Variants in PPP3CA observed in about 807,000 individuals in gnomAD.
The protein encoded by PPP3CA is CAM-PRP catalytic subunit.
Under a neutral mutation model 66.5 loss-of-function variants are expected in PPP3CA, and 14 were observed. The ratio of observed to expected loss-of-function variants is 0.21; its 90% CI spans 0.14 to 0.33. PPP3CA has a LOEUF of 0.33. Ranked by LOEUF, PPP3CA falls within the 10% of genes least tolerant of loss-of-function variation. The pLI, the probability that PPP3CA is intolerant of heterozygous loss-of-function variation, is 1.00. For synonymous variants in PPP3CA, 232 were observed against 226.2 expected (o/e 1.03, Z -0.23); for missense variants, 317 against 639.5 (o/e 0.50, Z 5.44).
chr4:101,281,513 G>A (rs904615400), intron 1 of PPP3CA, among the ~76,000 whole-genome samples: 4 of 152,164 alleles, frequency 2.6e-5, no homozygotes, highest in African/African-American at 4.8e-5. Context: ...AATGTGTATG[G>A]ATTATAATAT....
intron 2 of PPP3CA, among the ~76,000 whole-genome samples, chr4:101,152,482 C>T (rs778072407): frequency 6.6e-6 from 1 of 152,152 alleles, no homozygotes; most frequent in Non-Finnish European, 1.5e-5. Flanking sequence ...GTAGTAGGTG[C>T]TGAATAAAGA....
chr4:101,338,015 A>T (rs192805253), intron 1 of PPP3CA, among the ~76,000 whole-genome samples: 101 of 152,228 alleles, frequency 6.6e-4, no homozygotes, highest in African/African-American at 2.4e-3. Flanking sequence ...CTAATTCCTA[A>T]TCTTATACAT....
intron 1 of PPP3CA, among the ~76,000 whole-genome samples, chr4:101,200,857 A>G (rs1374375227): frequency 6.6e-6 from 1 of 152,172 alleles, no homozygotes; most frequent in African/African-American, 2.4e-5. Context: ...CTAGCTAGCC[A>G]AACTAACACT....
At chr4:101,232,132 G>T (rs1725982012) in intron 1 of PPP3CA, among the ~76,000 whole-genome samples, 1 of 151,650 alleles carries the variant, frequency 6.6e-6, no homozygotes, top group African/African-American at 2.4e-5. Context: ...ATCAGCCTTT[G>T]CTCTTTAAAA....
intron 2 of PPP3CA, chr4:101,171,345 T>C: frequency 4.4e-6 from 1 of 226,514 alleles, no homozygotes; most frequent in East Asian, 1.1e-4. Context: ...TATGAACAAT[T>C]CTTTCAAAAA....
At chr4:101,078,989 C>T (rs1193438691) in intron 8 of PPP3CA, among the ~76,000 whole-genome samples, 1 of 152,216 alleles carries the variant, frequency 6.6e-6, no homozygotes, top group African/African-American at 2.4e-5. Flanking sequence ...TGCACTATGC[C>T]TTACTGATAA....
chr4:101,054,633 T>A (rs1165921428), intron 10 of PPP3CA, among the ~76,000 whole-genome samples: 1 of 152,092 alleles, frequency 6.6e-6, no homozygotes, highest in South Asian at 2.1e-4. Context: ...TTAAGTTCTG[T>A]ACAACTGTTA....
intron 6 of PPP3CA, among the ~76,000 whole-genome samples, chr4:101,092,915 A>G (rs1730022595): frequency 1.3e-5 from 2 of 152,214 alleles, no homozygotes; most frequent in Admixed American, 6.5e-5. Flanking sequence ...TGCAATAAAC[A>G]TGCATATACA....
chr4:101,256,413 T>C (rs1159722487), intron 1 of PPP3CA, among the ~76,000 whole-genome samples: 1 of 152,028 alleles, frequency 6.6e-6, no homozygotes, highest in African/African-American at 2.4e-5. Flanking sequence ...AATTACATGA[T>C]GGTACATAAA....
At chr4:101,229,657 A>T (rs942668471) in intron 1 of PPP3CA, among the ~76,000 whole-genome samples, 1 of 151,592 alleles carries the variant, frequency 6.6e-6, no homozygotes. Flanking sequence ...CATTAGTATA[A>T]ATTGAGCTCT....
intron 1 of PPP3CA, among the ~76,000 whole-genome samples, chr4:101,256,129 CAT>C (rs1726833299): frequency 6.6e-6 from 1 of 151,844 alleles, no homozygotes; most frequent in Non-Finnish European, 1.5e-5. Flanking sequence ...TTATTGAAAA[CAT>C]ATTACAAAAC....
chr4:101,306,204 T>C (rs544625015), intron 1 of PPP3CA, among the ~76,000 whole-genome samples: 1 of 152,296 alleles, frequency 6.6e-6, no homozygotes, highest in South Asian at 2.1e-4. Flanking sequence ...TGGCTGTCAT[T>C]AATCTAAGCG....
rs571844872 is a variant in PPP3CA at position 101,231,468 on chromosome 4, T to G, written c.59-35352A>C. On this transcript the variant is annotated intron_variant, in intron 1 of 13. Transcript: ENST00000394854. ...AAAAGGAAGTCATACTTTTTCTTAC[T>G]CAAGTTAAGTCTCATTTGACTTATT... Among the ~76,000 whole-genome samples the G allele has an allele frequency of 2.0e-5, 3 of 151,918 alleles. No individual in the cohort carries two copies. The South Asian group carries it at 6.2e-4, about 31-fold the overall frequency.
At chr4:101,172,211 A>G (rs1036265954) in intron 2 of PPP3CA, among the ~76,000 whole-genome samples, 1 of 152,182 alleles carries the variant, frequency 6.6e-6, no homozygotes, top group Non-Finnish European at 1.5e-5. Context: ...GAGTATGTCT[A>G]GAAATTCATG....
chr4:101,230,877 G>A (rs1274003670), intron 1 of PPP3CA, among the ~76,000 whole-genome samples: 4 of 151,670 alleles, frequency 2.6e-5, no homozygotes, highest in Non-Finnish European at 1.5e-5. Context: ...CATCACAATC[G>A]TTTCAAGACT....
chr4:101,074,723 G>A (rs1024752860), intron 8 of PPP3CA, among the ~76,000 whole-genome samples: 1 of 152,052 alleles, frequency 6.6e-6, no homozygotes, highest in African/African-American at 2.4e-5. Flanking sequence ...ATGAGGATAT[G>A]GAAAACATCA....
chr4:101,074,048 T>A (rs764443397), intron 8 of PPP3CA, among the ~76,000 whole-genome samples: 1 of 152,188 alleles, frequency 6.6e-6, no homozygotes, highest in Non-Finnish European at 1.5e-5. Flanking sequence ...ATCCAACTTT[T>A]AAAGCAACCA....
chr4:101,200,995 C>T (rs1724950733), intron 1 of PPP3CA, among the ~76,000 whole-genome samples: 1 of 152,066 alleles, frequency 6.6e-6, no homozygotes, highest in Non-Finnish European at 1.5e-5. Flanking sequence ...TGCAAATCCA[C>T]AGTTAGCACT....
intron 1 of PPP3CA, among the ~76,000 whole-genome samples, chr4:101,278,334 A>G (rs1374725883): frequency 6.6e-6 from 1 of 151,982 alleles, no homozygotes; most frequent in Non-Finnish European, 1.5e-5. Context: ...CTCTGCTATT[A>G]CCCCATTACC....
Sources: gnomAD v4.1 joint callset for allele counts (sites outside exome capture counted in the v4.1 genomes callset) on GRCh38, gnomAD v4.1.1 for gene constraint, MANE v1.5 for transcripts, NCBI Gene and HGNC (gene_info 2026-07-23, HGNC 2026-07-21) for gene names.